Variants in ILDR1 observed in about 807,000 individuals in gnomAD.
ILDR1 encodes immunoglobulin like domain containing receptor 1, also known as immunoglobulin-like domain-containing receptor 1.
In ILDR1, 56 loss-of-function variants were observed where a neutral mutation model predicts 62.4. That is an observed-to-expected ratio of 0.90 (90% CI 0.72 to 1.12). ILDR1 has a LOEUF of 1.12. Ranked by LOEUF, ILDR1 falls within the 50% of genes most tolerant of loss-of-function variation. ILDR1 has a pLI of 0.00. For missense variants in ILDR1, 736 were observed against 710.6 expected (o/e 1.04, Z -0.41); for synonymous variants, 284 against 277.8 (o/e 1.02, Z -0.22).
chr3:122,030,996 G>A, the ILDR1 span, among the ~76,000 whole-genome samples: 1 of 152,154 alleles, frequency 6.6e-6, no homozygotes, highest in East Asian at 1.9e-4. Flanking sequence ...TTCTATCTCA[G>A]CTTCTCTTTG....
At chr3:122,042,040 A>T in the ILDR1 span, among the ~76,000 whole-genome samples, 1 of 119,482 alleles carries the variant, frequency 8.4e-6, no homozygotes, top group East Asian at 2.5e-4. Flanking sequence ...AGCATTAGGT[A>T]TATCTCCCAA....
chr3:122,039,028 C>A, the ILDR1 span, among the ~76,000 whole-genome samples: 2 of 149,112 alleles, frequency 1.3e-5, no homozygotes, highest in African/African-American at 4.9e-5. Context: ...GAAAATAGGT[C>A]AACAGAAATT....
rs149884253 is a variant in ILDR1 at position 121,993,222 on chromosome 3, C to T, written c.1527G>A (p.Pro509=). The T allele has an allele frequency of 4.0e-5, 64 of 1,613,944 alleles. No homozygotes were observed. The African/African-American group carries it at 6.5e-4, about 16-fold the overall frequency. ...TGATATCAAGTGAGCGGTAGCTAGG[C>T]GGCTTCTCCTCGGGCCAGTGTGGGG... is the stretch of plus-strand genomic sequence containing the variant. The part of the protein sequence containing the change: ...SHSPHWPEEK[P]PSYRSLDITP... Residue 509 remains proline (P), a synonymous_variant, in exon 7 of 8, where the codon CCG becomes CCA. Transcript: ENST00000344209.
chr3:121,993,868 C>T lies in ILDR1; in HGVS notation c.881G>A (p.Arg294Gln), dbSNP rs146278176. 4.2e-5 allele frequency: 68 copies of T among 1,614,084 alleles called. No individual in the cohort carries two copies. Among genetic ancestry groups the T allele is most frequent in the African/African-American group, 2.3e-4 (17 of 75,012 alleles). The change falls in exon 7 of 8, where the codon CGG (arginine) becomes CAG (glutamine). Residue 294 changes from arginine to glutamine, a missense_variant. Arg to Gln is a conservative substitution (Grantham distance 43). Transcript: ENST00000344209. ...CAGAGGCTGGGCCAGGTTGAGGTTCCGCAGTTCTTTCTCCAAATACTCCAG... is the reference window on the plus strand; with the variant it reads ...CAGAGGCTGGGCCAGGTTGAGGTTCTGCAGTTCTTTCTCCAAATACTCCAG... ...GVLEYLEKEL[R>Q]NLNLAQPLPP...
At chr3:121,989,730 T>C (rs1436894850) in intron 7 of ILDR1, among the ~76,000 whole-genome samples, 1 of 152,226 alleles carries the variant, frequency 6.6e-6, no homozygotes, top group Non-Finnish European at 1.5e-5. Context: ...GCTGGAATCC[T>C]GGTTCTGAAG....
the ILDR1 span, among the ~76,000 whole-genome samples, chr3:122,051,279 A>C: frequency 6.6e-6 from 1 of 152,176 alleles, no homozygotes; most frequent in African/African-American, 2.4e-5. Context: ...GATGGTGTCC[A>C]ATAAGTCTCT....
Position 121,993,926 on chromosome 3 carries a change from T to A in ILDR1, c.823A>T (p.Thr275Ser), listed in dbSNP as rs1408513018. 1 of 1,613,306 alleles carries A rather than the reference T, an allele frequency of 6.2e-7. No homozygotes were observed. The highest frequency in any genetic ancestry group is 1.1e-5 in the South Asian group (1 of 91,076). The change falls in exon 7 of 8, where the codon ACC becomes TCC. Residue 275 changes from threonine to serine, a missense_variant. By Grantham distance (58) the Thr-to-Ser change is moderately conservative. Transcript: ENST00000344209. Reference sequence around the variant, plus strand: ...TTGGCGATGGGAGGCTGATTGGTGGTCTGGGTCATTGGCATCTGCGGGAGG... The same window carrying A: ...TTGGCGATGGGAGGCTGATTGGTGGACTGGGTCATTGGCATCTGCGGGAGG... ...SSLPQMPMTQ[T>S]TNQPPIANGV...
chr3:122,037,036 T>G, the ILDR1 span, among the ~76,000 whole-genome samples: 3 of 152,214 alleles, frequency 2.0e-5, no homozygotes, highest in Non-Finnish European at 4.4e-5. Flanking sequence ...GAGCTGAGGT[T>G]TTAAAACTTC....
intron 1 of ILDR1, among the ~76,000 whole-genome samples, chr3:122,018,427 G>A (rs532148895): frequency 1.3e-5 from 2 of 151,988 alleles, no homozygotes; most frequent in African/African-American, 4.8e-5. Flanking sequence ...AACATTAGGA[G>A]AAATACCTAA....
the ILDR1 span, among the ~76,000 whole-genome samples, chr3:122,052,665 C>A: frequency 6.6e-6 from 1 of 152,212 alleles, no homozygotes; most frequent in East Asian, 1.9e-4. Context: ...CCTCCGCCTC[C>A]CGGGTTCAAG....
In ILDR1 at chr3:122,012,637, T is replaced by C. The variant is rs548294019; in HGVS notation, c.59-5476A>G. Reference sequence around the variant, plus strand: ...TTTGTATGCAAAACTGAGATGAAGATAATACCTGCCTCAGAGGGTTGTGGT... The same window carrying C: ...TTTGTATGCAAAACTGAGATGAAGACAATACCTGCCTCAGAGGGTTGTGGT... On this transcript the variant is annotated intron_variant, in intron 1 of 7. Transcript: ENST00000344209. Among the ~76,000 whole-genome samples the C allele has an allele frequency of 3.9e-5, 6 of 152,320 alleles. No homozygotes were observed. The South Asian group carries it at 1.2e-3, about 32-fold the overall frequency.
the ILDR1 span, among the ~76,000 whole-genome samples, chr3:122,042,566 T>A: frequency 6.7e-6 from 1 of 148,422 alleles, no homozygotes; most frequent in African/African-American, 2.5e-5. Context: ...CTCCACATCC[T>A]CTCCAGCACC....
Position 122,001,757 on chromosome 3 carries a change from GC to G in ILDR1, c.486del (p.Lys162AsnfsTer8). 6.2e-7 allele frequency: 1 copy of G among 1,613,098 alleles called. No individual in the cohort carries two copies. The highest frequency in any genetic ancestry group is 8.5e-7 in the Non-Finnish European group (1 of 1,179,928). On this transcript the variant is annotated frameshift_variant, in exon 4 of 8. Coordinates refer to ENST00000344209, the MANE Select transcript of ILDR1 (RefSeq NM_001199799.2). LOFTEE classifies it high-confidence loss of function. ...DTSGDPDKEV[K>X]LIVLHWLTVI... The stretch of plus-strand genomic sequence containing the variant: ...CAGTAGCACTTACGTAGGACGATGA[GC>G]TTTACTTCCTTATCGGGGTCTCCTG...
At chr3:122,025,348 T>C (rs564972124), upstream of ILDR1, 3 of 152,372 alleles carry the variant, frequency 2.0e-5, no homozygotes, top group Non-Finnish European at 4.4e-5. Flanking sequence ...TTCAATAATT[T>C]GTACTGAACA....
At chr3:121,996,964 G>A (rs761812790) in intron 5 of ILDR1, among the ~76,000 whole-genome samples, 2 of 152,158 alleles carry the variant, frequency 1.3e-5, no homozygotes, top group African/African-American at 4.8e-5. Flanking sequence ...GCAATGGCAC[G>A]ATCTCGGCTC....
chr3:122,001,970 C>A (rs1044307712), intron 3 of ILDR1, 106 bp from the exon 4 acceptor site: 18 of 1,304,928 alleles, frequency 1.4e-5, no homozygotes, highest in Admixed American at 1.2e-4. Flanking sequence ...CTTGTATTTA[C>A]AAAAAATAAT....
At chr3:122,047,655 C>A in the ILDR1 span, among the ~76,000 whole-genome samples, 1 of 152,174 alleles carries the variant, frequency 6.6e-6, no homozygotes, top group African/African-American at 2.4e-5. Flanking sequence ...GCGCAATATT[C>A]GGGTGGGAGT....
At chr3:122,006,195 T>G (rs1237646785) in intron 2 of ILDR1, among the ~76,000 whole-genome samples, 3 of 152,224 alleles carry the variant, frequency 2.0e-5, no homozygotes, top group Non-Finnish European at 2.9e-5. Flanking sequence ...AGGTGAAGAC[T>G]AATGCCTCCC....
chr3:122,038,291 A>T, the ILDR1 span, among the ~76,000 whole-genome samples: 1 of 152,224 alleles, frequency 6.6e-6, no homozygotes, highest in Admixed American at 6.5e-5. Context: ...TGTGAAGGGA[A>T]GATCCAAAAC....
Sources: allele counts gnomAD v4.1 joint callset (sites outside exome capture counted in the v4.1 genomes callset), GRCh38; gene constraint gnomAD v4.1.1; transcripts MANE v1.5; gene names NCBI Gene and HGNC (gene_info 2026-07-23, HGNC 2026-07-21).